IPCEF1: variants seen among roughly 807,000 people sequenced by gnomAD.
IPCEF1 encodes the protein interaction protein for cytohesin exchange factors 1, also known as interactor protein for cytohesin exchange factors 1.
A neutral mutation model predicts 50.9 loss-of-function variants in IPCEF1; 31 were observed. That is an observed-to-expected ratio of 0.61 (90% CI 0.46 to 0.82). The LOEUF is 0.82. IPCEF1 is among the 40% of genes least tolerant of loss of function. IPCEF1 has a pLI of 0.00. For missense variants in IPCEF1, 458 were observed against 514.0 expected (o/e 0.89, Z 1.05); for synonymous variants, 181 against 192.0 (o/e 0.94, Z 0.47).
chr6:154,343,418 A>G (rs555822450), intron 1 of IPCEF1, among the ~76,000 whole-genome samples: 42 of 152,352 alleles, frequency 2.8e-4, no homozygotes, highest in African/African-American at 8.7e-4. Context: ...CTTTGCCTAC[A>G]AAACTCAGGA....
At chr6:154,166,929 G>C (rs1208187102) in intron 11 of IPCEF1, among the ~76,000 whole-genome samples, 1 of 152,070 alleles carries the variant, frequency 6.6e-6, no homozygotes, top group Non-Finnish European at 1.5e-5. Context: ...CTCTGCATTT[G>C]TATTATCTTT....
intron 1 of IPCEF1, among the ~76,000 whole-genome samples, chr6:154,328,696 T>C (rs182174891): frequency 4.4e-4 from 67 of 152,340 alleles, no homozygotes; most frequent in African/African-American, 1.6e-3. Context: ...CTGCCTCAAG[T>C]GTGTCCTTTG....
At chr6:154,161,493 G>A (rs1416560046) in intron 11 of IPCEF1, among the ~76,000 whole-genome samples, 6 of 152,074 alleles carry the variant, frequency 3.9e-5, no homozygotes, top group African/African-American at 1.2e-4. Flanking sequence ...GATTACAGGC[G>A]TGAGCCACTG....
At chr6:154,222,649 T>C (rs1180442817) in intron 6 of IPCEF1, among the ~76,000 whole-genome samples, 1 of 152,148 alleles carries the variant, frequency 6.6e-6, no homozygotes, top group Non-Finnish European at 1.5e-5. Context: ...GACCATGAGC[T>C]GGTAATTTTT....
At chr6:154,270,580 T>C (rs1296261302) in intron 2 of IPCEF1, among the ~76,000 whole-genome samples, 1 of 152,252 alleles carries the variant, frequency 6.6e-6, no homozygotes, top group African/African-American at 2.4e-5. Context: ...TTAATGCTTG[T>C]TAAATTATGT....
At chr6:154,226,264 T>C (rs1779244109) in intron 5 of IPCEF1, among the ~76,000 whole-genome samples, 2 of 152,158 alleles carry the variant, frequency 1.3e-5, no homozygotes, top group South Asian at 4.1e-4. Context: ...CCAAAATCCA[T>C]ATCTCAAACT....
chr6:154,171,295 A>G (rs1477456559), intron 10 of IPCEF1, among the ~76,000 whole-genome samples: 1 of 152,184 alleles, frequency 6.6e-6, no homozygotes, highest in Non-Finnish European at 1.5e-5. Flanking sequence ...TAAAATAAAT[A>G]CTCAGTTGTC....
intron 10 of IPCEF1, among the ~76,000 whole-genome samples, chr6:154,197,911 G>A (rs551943992): frequency 7.2e-5 from 11 of 152,298 alleles, no homozygotes; most frequent in African/African-American, 2.4e-4. Flanking sequence ...AATAATAGAT[G>A]TAGTACTTTT....
intron 1 of IPCEF1, among the ~76,000 whole-genome samples, chr6:154,353,805 T>C (rs1784158031): frequency 1.3e-5 from 2 of 152,240 alleles, no homozygotes; most frequent in South Asian, 4.1e-4. Context: ...AAAGTTATGT[T>C]CCTCCTTTTT....
chr6:154,256,609 C>T (rs1781469373), intron 3 of IPCEF1, among the ~76,000 whole-genome samples: 1 of 151,678 alleles, frequency 6.6e-6, no homozygotes, highest in Non-Finnish European at 1.5e-5. Context: ...CACACACTCT[C>T]ACTTTCTCTC....
chr6:154,327,833 A>G (rs1349215316), intron 1 of IPCEF1, among the ~76,000 whole-genome samples: 2 of 152,244 alleles, frequency 1.3e-5, no homozygotes, highest in African/African-American at 2.4e-5. Flanking sequence ...ATGCCCATCA[A>G]TGATAGACTG....
intron 1 of IPCEF1, among the ~76,000 whole-genome samples, chr6:154,326,895 C>A (rs771980406): frequency 1.3e-5 from 2 of 152,112 alleles, no homozygotes; most frequent in Non-Finnish European, 2.9e-5. Flanking sequence ...GAAAAGAGAT[C>A]TCAGAAATAA....
chr6:154,196,619 A>C (rs1002509187), intron 10 of IPCEF1, among the ~76,000 whole-genome samples: 2 of 152,234 alleles, frequency 1.3e-5, no homozygotes, highest in African/African-American at 4.8e-5. Context: ...TGTGTTGTAC[A>C]TATGTGACTT....
At position 154,319,875 on chromosome 6, in the gene IPCEF1, G is replaced by A. The variant is rs73789443; in HGVS notation, c.-61-30119C>T. Among the ~76,000 whole-genome samples, 507 of 152,286 alleles carry A rather than the reference G, an allele frequency of 3.3e-3. 1 individual carries two copies. The highest frequency in any genetic ancestry group is 0.012 in the African/African-American group (484 of 41,554). On this transcript the variant is annotated intron_variant, in intron 1 of 11. Coordinates refer to ENST00000367220, the MANE Select transcript of IPCEF1 (RefSeq NM_001130700.2). ...AAGAGAGAAAATTCTTGGCTTTCAA[G>A]AGGTCTCTTAATCATCGCTGTATCC... is the stretch of plus-strand genomic sequence containing the variant.
At chr6:154,292,416 G>A (rs769019088) in intron 1 of IPCEF1, among the ~76,000 whole-genome samples, 84 of 152,096 alleles carry the variant, frequency 5.5e-4, no homozygotes, top group Admixed American at 1.1e-3. Context: ...GCTTTGATAT[G>A]GATTAATTTA....
At chr6:154,175,180 G>C (rs745560093) in intron 10 of IPCEF1, among the ~76,000 whole-genome samples, 2 of 152,210 alleles carry the variant, frequency 1.3e-5, no homozygotes, top group Non-Finnish European at 2.9e-5. Flanking sequence ...GCAGTGTTTA[G>C]AGGGAAATTT....
chr6:154,343,028 A>G lies in IPCEF1; in HGVS notation c.-62+13644T>C, dbSNP rs1192049970. Among the ~76,000 whole-genome samples, 4 of 152,308 alleles carry G rather than the reference A, an allele frequency of 2.6e-5. No individual in the cohort carries two copies. In the East Asian group the frequency reaches 7.8e-4, roughly 30 times the overall value. On this transcript the variant is annotated intron_variant, in intron 1 of 11. Transcript: ENST00000367220. ...CTACTCAGGAGGCTGAGGCAGGAGG[A>G]TCACTTGAGCCCAGGAGCTGAAGGC...
chr6:154,216,317 G>C (rs529918943), intron 7 of IPCEF1, among the ~76,000 whole-genome samples: 1 of 152,192 alleles, frequency 6.6e-6, no homozygotes, highest in East Asian at 1.9e-4. Context: ...GGGGTGGGGG[G>C]TGGTTGTAAT....
At chr6:154,343,839 C>T (rs1396846700) in intron 1 of IPCEF1, among the ~76,000 whole-genome samples, 2 of 152,204 alleles carry the variant, frequency 1.3e-5, no homozygotes, top group South Asian at 2.1e-4. Flanking sequence ...TATGCAAATG[C>T]AGGCCATTAG....
Sources: gnomAD v4.1 joint callset for allele counts (sites outside exome capture counted in the v4.1 genomes callset) on GRCh38, gnomAD v4.1.1 for gene constraint, MANE v1.5 for transcripts, NCBI Gene and HGNC (gene_info 2026-07-23, HGNC 2026-07-21) for gene names.